Variants in COP1 observed in about 807,000 individuals in gnomAD.
The protein encoded by COP1 is COP1 E3 ubiquitin ligase, also known as E3 ubiquitin-protein ligase COP1.
In COP1, 24 loss-of-function variants were observed where a neutral mutation model predicts 101.3. The ratio of observed to expected loss-of-function variants is 0.24; its 90% CI spans 0.17 to 0.33. COP1 has a LOEUF of 0.33. COP1 is among the 10% of genes least tolerant of loss of function. The pLI is 1.00. For synonymous variants in COP1, 347 were observed against 341.9 expected (o/e 1.01, Z -0.17); for missense variants, 663 against 906.2 (o/e 0.73, Z 3.45).
intron 11 of COP1, among the ~76,000 whole-genome samples, chr1:176,067,967 C>T (rs1268668591): frequency 2.6e-5 from 4 of 152,184 alleles, no homozygotes; most frequent in Non-Finnish European, 4.4e-5. Context: ...AAACAAGCCA[C>T]ACCCCCATCG....
At chr1:176,198,635 A>G (rs1236208950) in intron 1 of COP1, among the ~76,000 whole-genome samples, 1 of 152,106 alleles carries the variant, frequency 6.6e-6, no homozygotes, top group African/African-American at 2.4e-5. Flanking sequence ...AGAAAAAAGA[A>G]AAAACTTTTG....
At chr1:176,006,190 C>A (rs1174208596) in intron 15 of COP1, among the ~76,000 whole-genome samples, 1 of 151,296 alleles carries the variant, frequency 6.6e-6, no homozygotes, top group East Asian at 1.9e-4. Flanking sequence ...TTTTTGTTTT[C>A]CATTTGCTTG....
chr1:176,148,120 C>T (rs1342111448), intron 6 of COP1, among the ~76,000 whole-genome samples: 1 of 151,464 alleles, frequency 6.6e-6, no homozygotes, highest in African/African-American at 2.4e-5. Context: ...AAATTTATAA[C>T]AGATGTTTGT....
chr1:175,955,762 C>T (rs1650545976), intron 18 of COP1, among the ~76,000 whole-genome samples: 1 of 11,092 alleles, frequency 9.0e-5, no homozygotes, highest in South Asian at 3.3e-3. Context: ...CATTTAGAGA[C>T]AAACCACACA....
intron 18 of COP1, among the ~76,000 whole-genome samples, chr1:175,966,686 G>A (rs909101892): frequency 6.6e-6 from 1 of 152,242 alleles, no homozygotes; most frequent in Non-Finnish European, 1.5e-5. Context: ...ATGTACAAGA[G>A]AGCCTCAGTT....
At chr1:175,954,929 A>T (rs1052173047) in intron 18 of COP1, among the ~76,000 whole-genome samples, 11 of 151,230 alleles carry the variant, frequency 7.3e-5, no homozygotes, top group Non-Finnish European at 1.0e-4. Context: ...AACATTAAAA[A>T]ATATATATAT....
intron 11 of COP1, among the ~76,000 whole-genome samples, chr1:176,067,358 C>A (rs1267320987): frequency 6.6e-6 from 1 of 152,060 alleles, no homozygotes; most frequent in Non-Finnish European, 1.5e-5. Context: ...TTTCCAAGAC[C>A]ACTCTGGCCC....
intron 18 of COP1, among the ~76,000 whole-genome samples, chr1:175,981,384 T>G (rs1655827514): frequency 6.6e-6 from 1 of 152,070 alleles, no homozygotes; most frequent in South Asian, 2.1e-4. Flanking sequence ...AGAATCTCTC[T>G]GGGGAAGCCA....
At position 176,207,283 on chromosome 1, in the gene COP1, G is replaced by C. The variant is rs557657914; in HGVS notation, c.-305C>G. On this transcript the variant is annotated 5_prime_UTR_variant, in exon 1 of 20. Transcript: ENST00000367669. ...CGTGGCCGGCCGTGCGCGCGCGCGC[G>C]AGCGGCGGAAGAGGCGGGCGTGGCG... The C allele has an allele frequency of 7.8e-6, 3 of 386,304 alleles. No homozygotes were observed. Among genetic ancestry groups the C allele is most frequent in the Non-Finnish European group, 1.4e-5 (3 of 218,086 alleles). The allele number at this position is 386,304 out of a possible 1,614,324, so 23.9% of individuals were successfully genotyped here.
At chr1:176,050,535 T>C (rs924893999) in intron 11 of COP1, among the ~76,000 whole-genome samples, 1 of 152,210 alleles carries the variant, frequency 6.6e-6, no homozygotes, top group Non-Finnish European at 1.5e-5. Context: ...TTCATTACCA[T>C]GATAGTGTGC....
chr1:176,131,660 A>T (rs1688917519), intron 8 of COP1, among the ~76,000 whole-genome samples: 1 of 151,920 alleles, frequency 6.6e-6, no homozygotes, highest in South Asian at 2.1e-4. Context: ...AAAGATTAGT[A>T]AAATTGCAAC....
intron 7 of COP1, among the ~76,000 whole-genome samples, chr1:176,136,196 G>T (rs1433996066): frequency 6.6e-6 from 1 of 151,944 alleles, no homozygotes; most frequent in African/African-American, 2.4e-5. Flanking sequence ...GGTAATAATT[G>T]ACAGTTTTAA....
At chr1:176,179,289 CAAA>C (rs879402247) in intron 2 of COP1, among the ~76,000 whole-genome samples, 1 of 101,068 alleles carries the variant, frequency 9.9e-6, no homozygotes. Flanking sequence ...GACTCCGTCT[CAAA>C]AAAAAAAAAA....
chr1:176,199,600 G>GAA (rs748927563), intron 1 of COP1, among the ~76,000 whole-genome samples: 1 of 151,378 alleles, frequency 6.6e-6, no homozygotes, highest in South Asian at 2.1e-4. Context: ...GCAATTAAAA[G>GAA]AAAAAAAACA....
At chr1:176,149,166 T>G in intron 5 of COP1, 92 bp from the exon 6 acceptor site, 1 of 599,192 alleles carries the variant, frequency 1.7e-6, no homozygotes, top group Non-Finnish European at 2.8e-6. Flanking sequence ...TGAAGCAAAT[T>G]TATGCACCCA....
intron 11 of COP1, among the ~76,000 whole-genome samples, chr1:176,053,437 GCTCA>G (rs1672917251): frequency 6.6e-6 from 1 of 152,026 alleles, no homozygotes; most frequent in Non-Finnish European, 1.5e-5. Flanking sequence ...CTAACTTTCA[GCTCA>G]CTGTCATTTT....
intron 6 of COP1, among the ~76,000 whole-genome samples, chr1:176,138,982 T>C (rs1690222560): frequency 6.6e-6 from 1 of 152,148 alleles, no homozygotes; most frequent in South Asian, 2.1e-4. Context: ...ATAAGAGGTC[T>C]TTAGAATAAT....
chr1:176,046,107 A>C, intron 12 of COP1, 74 bp downstream of exon 12: 1 of 1,233,856 alleles, frequency 8.1e-7, no homozygotes, highest in Non-Finnish European at 1.1e-6. Flanking sequence ...GCAAAGGTAA[A>C]ATAATCTCAT....
chr1:176,187,358 ATATATACACAC>A (rs1698598198), intron 1 of COP1, among the ~76,000 whole-genome samples: 1 of 151,616 alleles, frequency 6.6e-6, no homozygotes, highest in Admixed American at 6.6e-5. Flanking sequence ...ATATATACAC[ATATATACACAC>A]TATATACACA....
Sources: allele counts gnomAD v4.1 joint callset (sites outside exome capture counted in the v4.1 genomes callset), GRCh38; gene constraint gnomAD v4.1.1; transcripts MANE v1.5; gene names NCBI Gene and HGNC (gene_info 2026-07-23, HGNC 2026-07-21).